The following RAD51B variants were observed in gnomAD, a reference collection of about 807,000 sequenced individuals.
The protein encoded by RAD51B is DNA repair protein RAD51 homolog 2.
A neutral mutation model predicts 42.2 loss-of-function variants in RAD51B; 38 were observed. The ratio of observed to expected loss-of-function variants is 0.90; its 90% CI spans 0.70 to 1.18. The LOEUF is 1.18. RAD51B is among the 50% of genes most tolerant of loss of function. The probability of loss-of-function intolerance (pLI) is 0.00; values close to 1 mark genes in which losing one functional copy is unlikely to be tolerated. For synonymous variants in RAD51B, 154 were observed against 145.2 expected (o/e 1.06, Z -0.43); for missense variants, 373 against 400.7 (o/e 0.93, Z 0.59).
chr14:67,880,302 G>A (rs958552606), intron 5 of RAD51B, among the ~76,000 whole-genome samples: 1 of 152,236 alleles, frequency 6.6e-6, no homozygotes, highest in East Asian at 1.9e-4. Flanking sequence ...TTGAGAAAAC[G>A]TCTACCAAAT....
At chr14:67,965,525 C>A (rs145120692) in intron 7 of RAD51B, among the ~76,000 whole-genome samples, 1 of 152,064 alleles carries the variant, frequency 6.6e-6, no homozygotes, top group Non-Finnish European at 1.5e-5. Context: ...TTTGATGGGT[C>A]CCCATTAACA....
intron 6 of RAD51B, chr14:67,886,704 A>T: frequency 3.8e-6 from 1 of 260,820 alleles, no homozygotes; most frequent in Non-Finnish European, 7.4e-6. Context: ...CTATACAAGG[A>T]TGCAAAATAC....
intron 7 of RAD51B, among the ~76,000 whole-genome samples, chr14:68,159,425 G>A (rs1595488437): frequency 6.6e-6 from 1 of 152,004 alleles, no homozygotes. Flanking sequence ...TTCGAGACAA[G>A]CCTGACCAAC....
intron 9 of RAD51B, among the ~76,000 whole-genome samples, 168 bp from the exon 10 acceptor site, chr14:68,468,004 G>C (rs1027245179): frequency 3.6e-4 from 54 of 151,840 alleles, no homozygotes; most frequent in African/African-American, 1.2e-3. Context: ...ACTTTGAAAG[G>C]ATAACACTCA....
At chr14:68,229,805 T>G (rs1272506181) in intron 7 of RAD51B, among the ~76,000 whole-genome samples, 1 of 152,220 alleles carries the variant, frequency 6.6e-6, no homozygotes, top group Non-Finnish European at 1.5e-5. Flanking sequence ...ATTCGTCATG[T>G]CTTTTTAGTT....
intron 7 of RAD51B, among the ~76,000 whole-genome samples, chr14:68,123,836 A>G (rs112188016): frequency 0.013 from 1,993 of 152,214 alleles, 47 homozygotes; most frequent in African/African-American, 0.046. Context: ...AACCAAACAA[A>G]CAAAAAACTG....
chr14:68,497,022 A>G (rs1409403347), intron 10 of RAD51B: 3 of 1,171,440 alleles, frequency 2.6e-6, no homozygotes, highest in South Asian at 1.4e-5. Context: ...TTTTTTCCCC[A>G]TAACTTCAAT....
chr14:68,011,610 T>G (rs554401297), intron 7 of RAD51B, among the ~76,000 whole-genome samples: 1 of 152,108 alleles, frequency 6.6e-6, no homozygotes, highest in African/African-American at 2.4e-5. Context: ...TTTTTTCTAC[T>G]TTGATTATGA....
At chr14:68,337,407 A>AG (rs1360671462) in intron 8 of RAD51B, among the ~76,000 whole-genome samples, 3 of 152,324 alleles carry the variant, frequency 2.0e-5, no homozygotes, top group African/African-American at 7.2e-5. Flanking sequence ...AGTTGACCAC[A>AG]GTTTTTCTGT....
intron 7 of RAD51B, among the ~76,000 whole-genome samples, chr14:68,105,390 A>G (rs947848549): frequency 6.6e-6 from 1 of 152,034 alleles, no homozygotes; most frequent in Non-Finnish European, 1.5e-5. Flanking sequence ...GCATGATTTT[A>G]TGTATGTATG....
chr14:68,289,864 C>T (rs1005856777), intron 7 of RAD51B, among the ~76,000 whole-genome samples: 7 of 152,172 alleles, frequency 4.6e-5, no homozygotes, highest in South Asian at 4.1e-4. Flanking sequence ...AGTAGCAATA[C>T]GAAAGAATAT....
At chr14:67,830,364 T>A (rs1191264987) in intron 3 of RAD51B, among the ~76,000 whole-genome samples, 1 of 152,020 alleles carries the variant, frequency 6.6e-6, no homozygotes, top group Admixed American at 6.6e-5. Flanking sequence ...AATGCAGAGG[T>A]TATAGTGTTG....
chr14:67,964,394 T>G (rs1014223371), intron 7 of RAD51B, among the ~76,000 whole-genome samples: 1 of 152,180 alleles, frequency 6.6e-6, no homozygotes, highest in Non-Finnish European at 1.5e-5. Flanking sequence ...AGCTCCAAAG[T>G]GTGTGCACAT....
At chr14:68,536,106 C>T (rs1189070868) in intron 10 of RAD51B, among the ~76,000 whole-genome samples, 1 of 152,138 alleles carries the variant, frequency 6.6e-6, no homozygotes, top group East Asian at 1.9e-4. Context: ...CAGGTCTGGT[C>T]AGGACACTCC....
chr14:67,881,028 T>C (rs1249538969), intron 5 of RAD51B, among the ~76,000 whole-genome samples: 1 of 152,256 alleles, frequency 6.6e-6, no homozygotes, highest in Non-Finnish European at 1.5e-5. Context: ...CTAGACTATA[T>C]GGTATAGCCT....
intron 4 of RAD51B, among the ~76,000 whole-genome samples, chr14:67,843,037 A>G (rs1040120346): frequency 3.3e-5 from 5 of 151,986 alleles, no homozygotes; most frequent in Non-Finnish European, 5.9e-5. Context: ...ATCATGATGT[A>G]TTAACTTTTT....
chr14:68,507,217 C>T (rs759937000), intron 10 of RAD51B, among the ~76,000 whole-genome samples: 1 of 152,136 alleles, frequency 6.6e-6, no homozygotes, highest in Admixed American at 6.5e-5. Context: ...GAATGACCCC[C>T]TCCTTCATTG....
chr14:68,228,372 C>T (rs955468745), intron 7 of RAD51B, among the ~76,000 whole-genome samples: 2 of 152,106 alleles, frequency 1.3e-5, no homozygotes, highest in African/African-American at 4.8e-5. Context: ...CTTTCATTAG[C>T]TTAATGAAAA....
chr14:68,106,823 C>A (rs2077384055), intron 7 of RAD51B, among the ~76,000 whole-genome samples: 1 of 151,794 alleles, frequency 6.6e-6, no homozygotes, highest in Non-Finnish European at 1.5e-5. Flanking sequence ...CATTGAACAC[C>A]TTTTATGCCC....
Sources: allele counts gnomAD v4.1 joint callset (sites outside exome capture counted in the v4.1 genomes callset), GRCh38; gene constraint gnomAD v4.1.1; transcripts MANE v1.5; gene names NCBI Gene and HGNC (gene_info 2026-07-23, HGNC 2026-07-21).